Variants in MBNL3 observed in about 807,000 individuals in gnomAD.
MBNL3 encodes the protein muscleblind like splicing regulator 3.
In MBNL3, 6 loss-of-function variants were observed where a neutral mutation model predicts 24.5. That is an observed-to-expected ratio of 0.25 (90% CI 0.13 to 0.48). MBNL3 has a LOEUF of 0.48. MBNL3 is among the 20% of genes least tolerant of loss of function. MBNL3 has a pLI of 0.99. For missense variants in MBNL3, 230 were observed against 293.5 expected (o/e 0.78, Z 1.58); for synonymous variants, 100 against 101.7 (o/e 0.98, Z 0.10).
At chrX:132,421,472 G>C (rs1943809783) in intron 2 of MBNL3, among the ~76,000 whole-genome samples, 1 of 111,559 alleles carries the variant, frequency 9.0e-6, no homozygotes. Context: ...TCAAACAGTC[G>C]CTGTTCCCAC....
rs1351961175 is a variant in MBNL3 at position 132,392,338 on chromosome X, T to C, written c.343-4A>G. 24 of 1,181,350 alleles carry C rather than the reference T, an allele frequency of 2.0e-5. No individual in the cohort carries two copies. The highest frequency in any genetic ancestry group is 2.6e-5 in the Non-Finnish European group (23 of 880,363). ...ATGGAGTCATAGGAAAAGAACCCTG[T>C]ATGTTTAAAAGAGAAAAAAAGATGT... On this transcript the variant is annotated splice_polypyrimidine_tract_variant and splice_region_variant and intron_variant, in intron 3 of 8. Coordinates refer to ENST00000370853, the MANE Select transcript of MBNL3 (RefSeq NM_001386889.1).
intron 1 of MBNL3, among the ~76,000 whole-genome samples, chrX:132,441,584 A>G (rs1161280442): frequency 8.9e-6 from 1 of 112,275 alleles, no homozygotes; most frequent in Admixed American, 9.4e-5. Flanking sequence ...ATAGAAATGC[A>G]AAACAAAATC....
At chrX:132,483,110 A>T (rs1237537167) in intron 1 of MBNL3, among the ~76,000 whole-genome samples, 1 of 112,420 alleles carries the variant, frequency 8.9e-6, no homozygotes, top group Non-Finnish European at 1.9e-5. Context: ...TTTTTTCTCA[A>T]AATCACTTCT....
chrX:132,417,998 A>G (rs774257238), intron 2 of MBNL3, among the ~76,000 whole-genome samples: 24 of 111,941 alleles, frequency 2.1e-4, no homozygotes, highest in Middle Eastern at 4.6e-3. Flanking sequence ...ACTCTTGCAT[A>G]TAAGGTCAAA....
At chrX:132,449,464 CTTTTTTTTTTTTT>C (rs751006249) in intron 1 of MBNL3, among the ~76,000 whole-genome samples, 1 of 29,782 alleles carries the variant, frequency 3.4e-5, no homozygotes, top group Non-Finnish European at 5.2e-5. Flanking sequence ...GCAACCCCTG[CTTTTTTTTTTTTT>C]TTTTTTTTTT....
rs1569409227 is a variant in MBNL3, at chrX:132,382,222, GTGT to G, written c.1006_1008del (p.Thr336del). On this transcript the variant is annotated inframe_deletion, in exon 8 of 9. Coordinates refer to ENST00000370853, the MANE Select transcript of MBNL3 (RefSeq NM_001386889.1). ...GCAGCGAACGGAACGCTGGTGGCAGGTGTTGTTGCTGCAGACACAGTGGTAGGT... is the reference window on the plus strand; with the variant it reads ...GCAGCGAACGGAACGCTGGTGGCAGGTGTTGCTGCAGACACAGTGGTAGGT... 2 of 1,211,259 alleles carry G rather than the reference GTGT, an allele frequency of 1.7e-6. No individual in the cohort carries two copies. The highest frequency in any genetic ancestry group is 2.2e-5 in the Admixed American group (1 of 46,040).
At chrX:132,414,574 T>G (rs757010682) in intron 2 of MBNL3, among the ~76,000 whole-genome samples, 7 of 111,739 alleles carry the variant, frequency 6.3e-5, no homozygotes, top group Non-Finnish European at 1.3e-4. Context: ...AAGAGTATGA[T>G]AAAGGCTCTC....
At chrX:132,473,969 A>C (rs949859813) in intron 1 of MBNL3, among the ~76,000 whole-genome samples, 2 of 111,828 alleles carry the variant, frequency 1.8e-5, no homozygotes, top group Non-Finnish European at 3.8e-5. Flanking sequence ...CTAGACATTA[A>C]ATTCAAAGCT....
chrX:132,487,987 G>A (rs770781959), intron 1 of MBNL3, among the ~76,000 whole-genome samples: 1 of 111,744 alleles, frequency 8.9e-6, no homozygotes, highest in South Asian at 3.7e-4. Context: ...CAGGGAGTCC[G>A]CTTAATAAAA....
chrX:132,476,080 CCTTA>C (rs768326449), intron 1 of MBNL3, among the ~76,000 whole-genome samples: 35 of 111,493 alleles, frequency 3.1e-4, no homozygotes, highest in African/African-American at 1.1e-3. Context: ...TCCAAGGAAA[CCTTA>C]CTTATTTTCA....
At chrX:132,398,595 T>C (rs1940265494) in intron 3 of MBNL3, among the ~76,000 whole-genome samples, 2 of 111,759 alleles carry the variant, frequency 1.8e-5, no homozygotes, top group Admixed American at 9.6e-5. Context: ...TCATACCTCA[T>C]TGAAGTAGTT....
At chrX:132,418,238 AT>A (rs1318738513) in intron 2 of MBNL3, among the ~76,000 whole-genome samples, 31 of 112,286 alleles carry the variant, frequency 2.8e-4, no homozygotes, top group African/African-American at 9.7e-4. Flanking sequence ...AATTTGAGAG[AT>A]TTTTTAGAAT....
chrX:132,463,188 GC>G (rs1006056436), intron 1 of MBNL3, among the ~76,000 whole-genome samples: 4 of 112,405 alleles, frequency 3.6e-5, no homozygotes, highest in Non-Finnish European at 7.5e-5. Context: ...GAGGCGGGGC[GC>G]CGTGGCTCAT....
chrX:132,411,310 G>C (rs1942700882), intron 2 of MBNL3: 1 of 754,291 alleles, frequency 1.3e-6, no homozygotes, highest in African/African-American at 2.3e-5. Context: ...GGTGAGAGCA[G>C]AAGAATTTTC....
At chrX:132,439,101 A>G (rs758942637) in intron 2 of MBNL3, among the ~76,000 whole-genome samples, 1 of 110,606 alleles carries the variant, frequency 9.0e-6, no homozygotes, top group South Asian at 3.9e-4. Context: ...CATATACAAA[A>G]AAGTAAACGA....
At chrX:132,431,872 A>G (rs902316416) in intron 2 of MBNL3, 2 of 111,613 alleles carry the variant, frequency 1.8e-5, no homozygotes, top group African/African-American at 6.5e-5. Flanking sequence ...TCTGATAGTG[A>G]GAAAATAGGC....
intron 3 of MBNL3, among the ~76,000 whole-genome samples, chrX:132,404,259 G>T (rs749480304): frequency 9.0e-6 from 1 of 110,659 alleles, no homozygotes; most frequent in African/African-American, 3.3e-5. Flanking sequence ...AATAAAGCTG[G>T]GGGAAAAAAT....
chrX:132,438,972 T>C (rs950949359), intron 2 of MBNL3, among the ~76,000 whole-genome samples: 7 of 110,027 alleles, frequency 6.4e-5, no homozygotes, highest in African/African-American at 2.0e-4. Context: ...ACTTTAGTTA[T>C]CCTCTGAAAG....
Position 132,476,245 on chromosome X carries a change from T to A in MBNL3, c.-704+12606A>T, listed in dbSNP as rs987929023. On this transcript the variant is annotated intron_variant, in intron 1 of 8. Transcript: ENST00000370853. Reference sequence around the variant, plus strand: ...CATGATTATATTTATTTTTATTTTTTAAAAAATGTTGTGAGTACATAGAAG... The same window carrying A: ...CATGATTATATTTATTTTTATTTTTAAAAAAATGTTGTGAGTACATAGAAG... Among the ~76,000 whole-genome samples, 6 of 111,865 alleles carry A rather than the reference T, an allele frequency of 5.4e-5. 1 individual carries two copies. Among genetic ancestry groups the A allele is most frequent in the Non-Finnish European group, 7.5e-5 (4 of 53,139 alleles).
Sources: allele counts gnomAD v4.1 joint callset (sites outside exome capture counted in the v4.1 genomes callset), GRCh38; gene constraint gnomAD v4.1.1; transcripts MANE v1.5; gene names NCBI Gene and HGNC (gene_info 2026-07-23, HGNC 2026-07-21).